ZNF420: variants seen among roughly 807,000 people sequenced by gnomAD.
ZNF420 encodes zinc finger protein 420, also known as ATM and p53-associated KZNF protein.
ZNF420 carries 31 observed loss-of-function variants against 44.7 expected under a neutral mutation model. That is an observed-to-expected ratio of 0.69 (90% CI 0.52 to 0.94). The LOEUF (loss-of-function observed/expected upper bound fraction) is 0.94. Among genes scored for constraint, ZNF420 ranks in the 40% least tolerant of loss-of-function variants. The pLI is 0.00. For missense variants in ZNF420, 681 were observed against 827.9 expected, an observed-to-expected ratio of 0.82 and a Z score of 2.18; for synonymous variants, 245 against 267.4, an observed-to-expected ratio of 0.92 and a Z score of 0.82.
At chr19:37,039,604 T>A (rs920146566) in intron 1 of ZNF420, among the ~76,000 whole-genome samples, 6 of 152,198 alleles carry the variant, frequency 3.9e-5, no homozygotes, top group Non-Finnish European at 8.8e-5. Flanking sequence ...CAAAGTAGAT[T>A]TAGTATAATT....
intron 1 of ZNF420, 27 bp downstream of exon 1, chr19:37,078,597 GAC>G (rs2146469896): frequency 6.6e-6 from 1 of 152,448 alleles, no homozygotes; most frequent in East Asian, 1.9e-4. Context: ...TGCCGGAGCG[GAC>G]ACGCGCGGAG....
At chr19:37,059,459 T>C (rs940442070) in intron 1 of ZNF420, among the ~76,000 whole-genome samples, 3 of 152,244 alleles carry the variant, frequency 2.0e-5, no homozygotes, top group African/African-American at 7.2e-5. Context: ...GTGGCAGTGC[T>C]TGGCTGTCGG....
intron 4 of ZNF420, among the ~76,000 whole-genome samples, chr19:37,117,434 C>T (rs182300168): frequency 2.0e-5 from 3 of 152,314 alleles, no homozygotes; most frequent in East Asian, 3.9e-4. Flanking sequence ...GGAAAACTAA[C>T]AAACAGAAAG....
At chr19:37,012,991 C>T (rs1000285311) in intron 1 of ZNF420, among the ~76,000 whole-genome samples, 1 of 151,970 alleles carries the variant, frequency 6.6e-6, no homozygotes, top group African/African-American at 2.4e-5. Context: ...CTGGGTCTTG[C>T]GGCCCATTGT....
In ZNF420 at chr19:37,127,185, CAG is replaced by C; in HGVS notation, c.196_197del (p.Glu66IlefsTer8). On this transcript the variant is annotated frameshift_variant, in exon 5 of 5. Coordinates refer to ENST00000337995, the MANE Select transcript of ZNF420 (RefSeq NM_144689.5). LOFTEE classifies it low-confidence loss of function (END_TRUNC). ...TCTCCAGAAAAGAACACTTATGAAA[CAG>C]AATTATCCCAATGGGAAATGAGTGA... 1 of 1,576,680 alleles carries C rather than the reference CAG, an allele frequency of 6.3e-7. No homozygotes were observed. Among genetic ancestry groups the C allele is most frequent in the Non-Finnish European group, 8.6e-7 (1 of 1,161,608 alleles).
intron 4 of ZNF420, among the ~76,000 whole-genome samples, chr19:37,102,145 G>A (rs554765896): frequency 6.6e-6 from 1 of 152,152 alleles, no homozygotes; most frequent in South Asian, 2.1e-4. Context: ...GATGGCAGCT[G>A]ATGAGCCCAT....
intron 1 of ZNF420, among the ~76,000 whole-genome samples, chr19:37,052,800 T>G (rs940138115): frequency 1.7e-4 from 26 of 152,224 alleles, no homozygotes; most frequent in Non-Finnish European, 2.9e-4. Context: ...TAACATTTTT[T>G]CCTTCATTTC....
chr19:37,095,350 T>C (rs1480126082), intron 4 of ZNF420, among the ~76,000 whole-genome samples: 1 of 152,200 alleles, frequency 6.6e-6, no homozygotes, highest in Non-Finnish European at 1.5e-5. Context: ...TAAAGGATAT[T>C]GAAATGCTTT....
upstream of ZNF420, among the ~76,000 whole-genome samples, chr19:37,075,336 G>A (rs1275388903): frequency 2.0e-5 from 3 of 152,150 alleles, no homozygotes; most frequent in Non-Finnish European, 4.4e-5. Flanking sequence ...GATTTTGTCT[G>A]CTTCCACAGT....
chr19:37,063,076 C>G (rs1399418923), intron 1 of ZNF420, among the ~76,000 whole-genome samples: 3 of 132,340 alleles, frequency 2.3e-5, no homozygotes, highest in African/African-American at 8.9e-5. Context: ...TAGCTGCATA[C>G]TTCACTCTTC....
At chr19:37,082,416 C>T (rs536833287) in intron 2 of ZNF420, among the ~76,000 whole-genome samples, 3 of 152,184 alleles carry the variant, frequency 2.0e-5, no homozygotes, top group Non-Finnish European at 4.4e-5. Flanking sequence ...CTGCCTGCCT[C>T]GGCCTCCCAA....
At chr19:37,026,686 TC>T (rs745422118) in intron 1 of ZNF420, among the ~76,000 whole-genome samples, 1 of 152,236 alleles carries the variant, frequency 6.6e-6, no homozygotes, top group African/African-American at 2.4e-5. Context: ...GGTCTCGAAC[TC>T]CTGACTTCAA....
In ZNF420 at chr19:37,068,557, T is replaced by C. The variant is rs145325072; in HGVS notation, c.-124-11788T>C. Among the ~76,000 whole-genome samples, 87 of 152,210 alleles carry C rather than the reference T, an allele frequency of 5.7e-4. 1 individual carries two copies. The East Asian group carries it at 0.016, about 28-fold the overall frequency. ...CGGGAGGCTGAGGCAGGAGAATTGC[T>C]TGAACCCAGGAGGCAGAGGTTGTGG... is the stretch of plus-strand genomic sequence containing the variant. On this transcript the variant is annotated intron_variant, in intron 1 of 4. Transcript: ENST00000587029.
At chr19:37,089,470 A>C (rs1969012262) in intron 3 of ZNF420, among the ~76,000 whole-genome samples, 1 of 152,204 alleles carries the variant, frequency 6.6e-6, no homozygotes, top group South Asian at 2.1e-4. Flanking sequence ...CTAAGTTCCC[A>C]GGTAGACAAG....
In ZNF420 at chr19:37,128,243, C is replaced by T; in HGVS notation, c.1252C>T (p.Pro418Ser). The T allele has an allele frequency of 6.2e-7, 1 of 1,614,046 alleles. No homozygotes were observed. Among genetic ancestry groups the T allele is most frequent in the East Asian group, 2.2e-5 (1 of 44,884 alleles). Residue 418 changes from proline to serine, a missense_variant, in exon 5 of 5, where the codon CCC becomes TCC. Coordinates refer to ENST00000337995, the MANE Select transcript of ZNF420 (RefSeq NM_144689.5). ...TCAGAGAATACACACTGGTGAGAAA[C>T]CCTATCAATGTAAGGAATGTGGAAA... ...QHQRIHTGEK[P>S]YQCKECGKAF... is the part of the protein sequence containing the mutation.
upstream of ZNF420, among the ~76,000 whole-genome samples, chr19:37,076,513 A>C (rs1193466211): frequency 1.3e-5 from 2 of 151,794 alleles, no homozygotes; most frequent in Non-Finnish European, 2.9e-5. Flanking sequence ...TCCTAATGCT[A>C]CCCCTCCCCC....
intron 4 of ZNF420, among the ~76,000 whole-genome samples, chr19:37,126,175 TCTAGAAGG>T (rs761541758): frequency 1.4e-4 from 22 of 152,214 alleles, no homozygotes; most frequent in Non-Finnish European, 3.1e-4. Flanking sequence ...ATTGCTATCA[TCTAGAAGG>T]TTGGTCTAAA....
chr19:37,069,303 TAGAA>T (rs1402923092), intron 1 of ZNF420, among the ~76,000 whole-genome samples: 2 of 152,144 alleles, frequency 1.3e-5, no homozygotes, highest in Admixed American at 6.5e-5. Context: ...AAAGGAAAAT[TAGAA>T]AGACCTATAT....
chr19:37,127,214 A>G lies in ZNF420; in HGVS notation c.223A>G (p.Arg75Gly), dbSNP rs1357969468. 1.2e-6 allele frequency: 2 copies of G among 1,605,600 alleles called. No individual in the cohort carries two copies. Among genetic ancestry groups the G allele is most frequent in the African/African-American group, 1.3e-5 (1 of 74,604 alleles). ...TELSQWEMSD[R>G]LENCDLEESN... ...ATTATCCCAATGGGAAATGAGTGAC[A>G]GACTTGAAAACTGTGATCTTGAAGA... The change falls in exon 5 of 5, where the codon AGA becomes GGA. Residue 75 changes from arginine to glycine, a missense_variant. Around this residue, in one of 3 missense-constraint regions of ZNF420, gnomAD observed 350 missense variants for 382.5 expected, o/e 0.92. Transcript: ENST00000337995.
Sources: allele counts gnomAD v4.1 joint callset (sites outside exome capture counted in the v4.1 genomes callset), GRCh38; gene constraint gnomAD v4.1.1; regional missense constraint gnomAD v4.1.1; transcripts MANE v1.5; gene names NCBI Gene and HGNC (gene_info 2026-07-23, HGNC 2026-07-21).